Variants in MYO5A observed in about 807,000 individuals in gnomAD.
The protein encoded by MYO5A is unconventional myosin-Va.
Under a neutral mutation model 249.7 loss-of-function variants are expected in MYO5A, and 98 were observed. The ratio of observed to expected loss-of-function variants is 0.39; its 90% CI spans 0.33 to 0.46. The LOEUF (loss-of-function observed/expected upper bound fraction) is 0.46. Ranked by LOEUF, MYO5A falls within the 20% of genes least tolerant of loss-of-function variation. The probability of loss-of-function intolerance (pLI) is 0.98; values close to 1 mark genes in which losing one functional copy is unlikely to be tolerated. For synonymous variants in MYO5A, 778 were observed against 810.6 expected (o/e 0.96, Z 0.68); for missense variants, 1,696 against 2,308.8 (o/e 0.73, Z 5.44).
chr15:52,409,883 A>AT (rs778247127), intron 6 of MYO5A, among the ~76,000 whole-genome samples: 14 of 151,616 alleles, frequency 9.2e-5, no homozygotes, highest in East Asian at 5.8e-4. Context: ...GGTTGTGAAG[A>AT]TTTTTTTTTA....
intron 35 of MYO5A, 119 bp from the exon 36 acceptor site, chr15:52,328,125 T>C (rs2038695600): frequency 4.8e-6 from 4 of 827,964 alleles, no homozygotes. Flanking sequence ...AAGTAGGTAA[T>C]ATAAAAAGTG....
At chr15:52,365,569 C>T (rs62016004) in intron 23 of MYO5A, among the ~76,000 whole-genome samples, 7,860 of 152,276 alleles carry the variant, frequency 0.052, 241 homozygotes, top group South Asian at 0.092. Flanking sequence ...CTTAATCTGC[C>T]CTGCCTGCTT....
chr15:52,355,993 G>T (rs2040200437), intron 25 of MYO5A, among the ~76,000 whole-genome samples: 1 of 152,148 alleles, frequency 6.6e-6, no homozygotes, highest in African/African-American at 2.4e-5. Flanking sequence ...AAGCTAAAAA[G>T]AATGGAAACA....
In MYO5A at chr15:52,379,825, G is replaced by C. The variant is rs753464756; in HGVS notation, c.2096C>G (p.Ser699Ter). 6.2e-7 allele frequency: 1 copy of C among 1,614,156 alleles called. No individual in the cohort carries two copies. The highest frequency in any genetic ancestry group is 8.5e-7 in the Non-Finnish European group (1 of 1,180,002). ...TIRISAAGFP[S>*]RWTYQEFFSR... ...ATCTGAAAAATGCCAGGCTCACCGT[G>C]AGGGGAAACCGGCCGCACTGATTCG... Residue 699 changes from serine (S) to a stop codon, truncating the protein, a stop_gained, in exon 17 of 42, where the codon TCA (serine) becomes TGA (stop). Transcript: ENST00000399233. LOFTEE classifies it high-confidence loss of function.
intron 36 of MYO5A, chr15:52,323,761 T>C (rs2038443952): frequency 6.1e-6 from 2 of 330,144 alleles, no homozygotes; most frequent in Admixed American, 4.2e-5. Flanking sequence ...CCCAGCACTT[T>C]GGGAGGCCGA....
chr15:52,440,342 A>G (rs1229140794), intron 1 of MYO5A, among the ~76,000 whole-genome samples: 2 of 150,600 alleles, frequency 1.3e-5, no homozygotes, highest in Admixed American at 6.6e-5. Context: ...ATCTCTGCTC[A>G]CTGCTACCTT....
At chr15:52,478,918 G>A (rs1198848881) in intron 1 of MYO5A, among the ~76,000 whole-genome samples, 1 of 152,100 alleles carries the variant, frequency 6.6e-6, no homozygotes, top group East Asian at 1.9e-4. Context: ...GTGTGGTTAT[G>A]TCTTTATATT....
At chr15:52,428,758 T>C (rs914470595) in intron 2 of MYO5A, among the ~76,000 whole-genome samples, 189 bp from the exon 3 acceptor site, 4 of 152,232 alleles carry the variant, frequency 2.6e-5, no homozygotes, top group Admixed American at 2.6e-4. Context: ...TCATTAGACA[T>C]ACCAACCTGT....
intron 14 of MYO5A, 139 bp from the exon 15 acceptor site, chr15:52,384,461 C>A: frequency 1.1e-6 from 1 of 872,582 alleles, no homozygotes; most frequent in South Asian, 1.5e-5. Context: ...AGTATCTGTG[C>A]TAAGAGCCAA....
intron 16 of MYO5A, among the ~76,000 whole-genome samples, chr15:52,381,060 C>T (rs1054622600): frequency 4.6e-5 from 7 of 152,204 alleles, no homozygotes; most frequent in African/African-American, 1.7e-4. Context: ...ATGACATCTT[C>T]AAGTTAAACT....
intron 1 of MYO5A, among the ~76,000 whole-genome samples, chr15:52,448,537 G>A (rs2075944408): frequency 6.6e-6 from 1 of 152,152 alleles, no homozygotes. Context: ...ATTGGGAATT[G>A]TATTTTGCAA....
At chr15:52,375,169 T>C in intron 20 of MYO5A, 135 bp downstream of exon 20, 1 of 887,200 alleles carries the variant, frequency 1.1e-6, no homozygotes, top group South Asian at 1.7e-5. Flanking sequence ...TTAAAATAAA[T>C]AAATATGCAT....
chr15:52,523,263 G>A lies in MYO5A; in HGVS notation c.27+5517C>T, dbSNP rs2077660516. 1.3e-5 allele frequency among the ~76,000 whole-genome samples: 2 copies of A among 152,020 alleles called. 1 individual carries two copies. The highest frequency in any genetic ancestry group is 2.9e-5 in the Non-Finnish European group (2 of 68,012). ...CCAGACCTTCACCACTTCACATTTT[G>A]TTTCCTGAAAGTTTCCTGGTCTCCC... On this transcript the variant is annotated intron_variant, in intron 1 of 41. Coordinates refer to ENST00000399233, the MANE Select transcript of MYO5A (RefSeq NM_001382347.1).
chr15:52,487,926 T>C (rs2076857818), intron 1 of MYO5A, among the ~76,000 whole-genome samples: 1 of 152,218 alleles, frequency 6.6e-6, no homozygotes, highest in South Asian at 2.1e-4. Context: ...AGCCCATTCT[T>C]TGGGCTCCAG....
intron 1 of MYO5A, among the ~76,000 whole-genome samples, chr15:52,519,619 T>A (rs1724621): frequency 0.81 from 115,591 of 142,138 alleles, 45,209 homozygotes; most frequent in South Asian, 0.85. Context: ...CTAAAAAAAA[T>A]AATAATAATA....
intron 1 of MYO5A, among the ~76,000 whole-genome samples, chr15:52,456,786 G>T (rs2076127930): frequency 6.6e-6 from 1 of 152,070 alleles, no homozygotes; most frequent in Non-Finnish European, 1.5e-5. Context: ...AATGAAACTA[G>T]ACCCCAGTCT....
intron 1 of MYO5A, among the ~76,000 whole-genome samples, chr15:52,522,125 C>A (rs927754915): frequency 6.6e-6 from 1 of 152,042 alleles, no homozygotes; most frequent in Non-Finnish European, 1.5e-5. Context: ...TTCGGAAAAA[C>A]CAAAAAGAAA....
intron 1 of MYO5A, among the ~76,000 whole-genome samples, chr15:52,441,460 T>G (rs1485130845): frequency 6.6e-6 from 1 of 152,184 alleles, no homozygotes; most frequent in Admixed American, 6.5e-5. Flanking sequence ...AATATATTCT[T>G]AAACATTTCA....
chr15:52,487,813 G>A (rs954452066), intron 1 of MYO5A, among the ~76,000 whole-genome samples: 5 of 150,768 alleles, frequency 3.3e-5, no homozygotes, highest in African/African-American at 7.3e-5. Flanking sequence ...CAGCATACTT[G>A]TACGGCCGGC....
Sources: allele counts gnomAD v4.1 joint callset (sites outside exome capture counted in the v4.1 genomes callset), GRCh38; gene constraint gnomAD v4.1.1; transcripts MANE v1.5; gene names NCBI Gene and HGNC (gene_info 2026-07-23, HGNC 2026-07-21).